The following TBC1D5 variants were observed in gnomAD, a reference collection of about 807,000 sequenced individuals.
TBC1D5 encodes TBC1 domain family member 5, also known as TBC1 domain family, member 5.
TBC1D5 carries 75 observed loss-of-function variants against 100.3 expected under a neutral mutation model. The observed-to-expected ratio is 0.75, with a 90% CI of 0.62 to 0.91. The LOEUF (loss-of-function observed/expected upper bound fraction) is 0.91, where lower values mean the gene tolerates loss of function less well. Among genes scored for constraint, TBC1D5 ranks in the 40% least tolerant of loss-of-function variants. The pLI, the probability that TBC1D5 is intolerant of heterozygous loss-of-function variation, is 0.00. For synonymous variants in TBC1D5, 323 were observed against 325.6 expected, an observed-to-expected ratio of 0.99 and a Z score of 0.09; for missense variants, 910 against 942.4, an observed-to-expected ratio of 0.97 and a Z score of 0.45.
At chr3:17,728,284 G>A (rs2076281160) in intron 1 of TBC1D5, among the ~76,000 whole-genome samples, 1 of 152,108 alleles carries the variant, frequency 6.6e-6, no homozygotes, top group Admixed American at 6.6e-5. Flanking sequence ...AAAGGAATTA[G>A]ATAAGCCAAC....
At chr3:17,624,453 G>A (rs771854246) in intron 1 of TBC1D5, among the ~76,000 whole-genome samples, 1 of 152,054 alleles carries the variant, frequency 6.6e-6, no homozygotes, top group Non-Finnish European at 1.5e-5. Flanking sequence ...GCCAACAGAA[G>A]GCTGACATTT....
intron 2 of TBC1D5, among the ~76,000 whole-genome samples, chr3:17,581,705 A>T (rs185088458): frequency 1.4e-4 from 21 of 152,282 alleles, no homozygotes; most frequent in African/African-American, 4.3e-4. Context: ...TCGCTCCCTT[A>T]AAATCTATTC....
chr3:17,205,526 A>T (rs1020010059), intron 18 of TBC1D5, among the ~76,000 whole-genome samples: 4 of 152,220 alleles, frequency 2.6e-5, no homozygotes, highest in Non-Finnish European at 1.5e-5. Context: ...TTCAAATGCA[A>T]ATCCTTCAGG....
intron 2 of TBC1D5, among the ~76,000 whole-genome samples, chr3:17,531,076 T>C (rs553978654): frequency 4.6e-4 from 70 of 152,342 alleles, no homozygotes; most frequent in Non-Finnish European, 7.3e-4. Context: ...ATTGTATATC[T>C]AGAAAACCCC....
intron 13 of TBC1D5, among the ~76,000 whole-genome samples, chr3:17,369,221 T>C (rs750377914): frequency 1.8e-4 from 27 of 152,110 alleles, no homozygotes; most frequent in Non-Finnish European, 2.6e-4. Flanking sequence ...ACATAGGCTC[T>C]AGTGAAAAGA....
rs529822807 is a variant in TBC1D5, at chr3:17,433,831, A to G, written c.98-5312T>C. Among the ~76,000 whole-genome samples, 3 of 152,196 alleles carry G rather than the reference A, an allele frequency of 2.0e-5. No homozygotes were observed. In the South Asian group the frequency reaches 6.2e-4, roughly 32 times the overall value. ...CAAAAGCAAGTTAGCTACTTCATAG[A>G]TACAATGGGGGTACAGGCATTGAGC... On this transcript the variant is annotated intron_variant, in intron 3 of 21. Coordinates refer to ENST00000253692, the Ensembl canonical transcript of TBC1D5.
intron 2 of TBC1D5, among the ~76,000 whole-genome samples, chr3:17,590,920 G>C (rs2096763021): frequency 6.6e-6 from 1 of 151,782 alleles, no homozygotes; most frequent in Non-Finnish European, 1.5e-5. Flanking sequence ...AGGTCAAATG[G>C]GCAAAAGACT....
chr3:17,565,965 T>C (rs1477702313), intron 2 of TBC1D5, among the ~76,000 whole-genome samples: 1 of 152,002 alleles, frequency 6.6e-6, no homozygotes, highest in Non-Finnish European at 1.5e-5. Flanking sequence ...ATATTTGAGA[T>C]TGCTTTTTAA....
At chr3:17,348,331 G>A (rs1343294674) in intron 13 of TBC1D5, among the ~76,000 whole-genome samples, 1 of 152,100 alleles carries the variant, frequency 6.6e-6, no homozygotes, top group African/African-American at 2.4e-5. Context: ...TATTAAGCAA[G>A]CGATTCTCCA....
chr3:17,243,747 T>C (rs2076501335), intron 16 of TBC1D5, among the ~76,000 whole-genome samples: 1 of 152,076 alleles, frequency 6.6e-6, no homozygotes, highest in African/African-American at 2.4e-5. Context: ...ATGTTTTGAT[T>C]GGGTTTGGTT....
chr3:17,577,252 T>C (rs2096663229), intron 2 of TBC1D5, among the ~76,000 whole-genome samples: 2 of 151,960 alleles, frequency 1.3e-5, no homozygotes, highest in African/African-American at 4.8e-5. Flanking sequence ...CAAAAAGCGA[T>C]TCCAACTAAT....
At chr3:17,329,958 G>A (rs750713180) in intron 13 of TBC1D5, among the ~76,000 whole-genome samples, 5 of 152,098 alleles carry the variant, frequency 3.3e-5, no homozygotes, top group Non-Finnish European at 2.9e-5. Context: ...ATATTAGCAG[G>A]CTATTTCCAC....
chr3:17,431,556 T>TA (rs1343787508), intron 3 of TBC1D5, among the ~76,000 whole-genome samples: 1 of 152,014 alleles, frequency 6.6e-6, no homozygotes, highest in Admixed American at 6.5e-5. Context: ...AACATATATC[T>TA]ATAAGAACAA....
chr3:17,333,068 T>C (rs2087099295), intron 13 of TBC1D5: 1 of 152,284 alleles, frequency 6.6e-6, no homozygotes, highest in Non-Finnish European at 1.5e-5. Context: ...AATAATACAG[T>C]ACAGGGGTGG....
chr3:17,406,670 C>A (rs983713927), intron 4 of TBC1D5, 144 bp from the exon 5 acceptor site: 1 of 621,210 alleles, frequency 1.6e-6, no homozygotes, highest in African/African-American at 1.9e-5. Flanking sequence ...TGTTTCTGAA[C>A]GCATGGCTGT....
chr3:17,370,384 A>G (rs1288023937), intron 13 of TBC1D5, among the ~76,000 whole-genome samples: 1 of 152,214 alleles, frequency 6.6e-6, no homozygotes, highest in Non-Finnish European at 1.5e-5. Context: ...TTATTTGCAC[A>G]GTGGAGAGGA....
chr3:17,521,439 C>T (rs2096062640), intron 2 of TBC1D5, among the ~76,000 whole-genome samples: 1 of 152,116 alleles, frequency 6.6e-6, no homozygotes. Flanking sequence ...TGTAAGAATA[C>T]AGTATAGTAC....
At chr3:17,481,096 C>A (rs2095496340) in intron 3 of TBC1D5, among the ~76,000 whole-genome samples, 1 of 152,186 alleles carries the variant, frequency 6.6e-6, no homozygotes, top group South Asian at 2.1e-4. Flanking sequence ...CCTGCTTTCT[C>A]CAAGCTTCCG....
chr3:17,706,581 G>T (rs1430183854), intron 1 of TBC1D5, among the ~76,000 whole-genome samples: 1 of 151,892 alleles, frequency 6.6e-6, no homozygotes, highest in African/African-American at 2.4e-5. Context: ...CAACAATTAA[G>T]GATTAACTCT....
Sources: allele counts gnomAD v4.1 joint callset (sites outside exome capture counted in the v4.1 genomes callset), GRCh38; gene constraint gnomAD v4.1.1; transcripts MANE v1.5; gene names NCBI Gene and HGNC (gene_info 2026-07-23, HGNC 2026-07-21).